MLIP: variants seen among roughly 807,000 people sequenced by gnomAD.
MLIP encodes the protein muscular LMNA-interacting protein.
A neutral mutation model predicts 84.8 loss-of-function variants in MLIP; 79 were observed. That is an observed-to-expected ratio of 0.93 (90% confidence interval 0.78 to 1.12). The LOEUF is 1.12. Ranked by LOEUF, MLIP falls within the 50% of genes most tolerant of loss-of-function variation. The pLI is 0.00. For missense variants in MLIP, 1,257 were observed against 1,160.6 expected, an observed-to-expected ratio of 1.08 and a Z score of -1.21; for synonymous variants, 504 against 463.0, an observed-to-expected ratio of 1.09 and a Z score of -1.14.
intron 13 of MLIP, among the ~76,000 whole-genome samples, chr6:54,260,290 T>A (rs1029034959): frequency 4.0e-5 from 6 of 151,572 alleles, no homozygotes; most frequent in Non-Finnish European, 8.8e-5. Context: ...AAAAAAAAAA[T>A]TCCACTTAAC....
At chr6:54,154,975 TG>T (rs901431805) in intron 5 of MLIP, among the ~76,000 whole-genome samples, 1 of 152,090 alleles carries the variant, frequency 6.6e-6, no homozygotes, top group Non-Finnish European at 1.5e-5. Context: ...TGAGCTTTGC[TG>T]GAATGGGTTT....
In MLIP at chr6:54,145,786, C is replaced by T. The variant is rs556989808; in HGVS notation, c.2218-3270C>T. Among the ~76,000 whole-genome samples the T allele has an allele frequency of 2.0e-3, 299 of 147,932 alleles. 1 individual carries two copies. Among genetic ancestry groups the T allele is most frequent in the African/African-American group, 7.2e-3 (279 of 38,582 alleles). ...GAAAGACTCTGTCCCCCACCACCCCCTCCCCCACAAAAAAAAAAAGAAAAA... is the reference window on the plus strand; with the variant it reads ...GAAAGACTCTGTCCCCCACCACCCCTTCCCCCACAAAAAAAAAAAGAAAAA... On this transcript the variant is annotated intron_variant, in intron 4 of 13. Transcript: ENST00000502396.
intron 11 of MLIP, among the ~76,000 whole-genome samples, chr6:54,227,643 G>C (rs1294412435): frequency 6.6e-6 from 1 of 152,096 alleles, no homozygotes; most frequent in Non-Finnish European, 1.5e-5. Context: ...AAATGGCTGG[G>C]CTTCTAAACC....
At chr6:54,218,602 C>T (rs552415489) in intron 11 of MLIP, among the ~76,000 whole-genome samples, 1 of 152,158 alleles carries the variant, frequency 6.6e-6, no homozygotes, top group African/African-American at 2.4e-5. Context: ...TCACTGCAGC[C>T]TTCATCTTCT....
In MLIP at chr6:54,137,277, A is replaced by G. The variant is rs1167547879; in HGVS notation, c.1208A>G (p.Lys403Arg). Residue 403 changes from lysine to arginine, a missense_variant, in exon 4 of 14, where the codon AAG (lysine) becomes AGG (arginine). Lys to Arg is a conservative substitution (Grantham distance 26). Transcript: ENST00000502396. ...SQMSSSGNLS[K>R]SGVKSPVPSR... ...ATGTCATCTAGTGGAAATCTTTCAAAGTCAGGGGTAAAATCCCCGGTGCCT... is the reference window on the plus strand; with the variant it reads ...ATGTCATCTAGTGGAAATCTTTCAAGGTCAGGGGTAAAATCCCCGGTGCCT... The G allele has an allele frequency of 1.2e-5, 19 of 1,535,986 alleles. No individual in the cohort carries two copies. The highest frequency in any genetic ancestry group is 1.7e-5 in the Non-Finnish European group (19 of 1,146,892).
intron 4 of MLIP, among the ~76,000 whole-genome samples, chr6:54,138,664 AC>A (rs1350703019): frequency 4.6e-5 from 7 of 152,264 alleles, no homozygotes; most frequent in Admixed American, 4.6e-4. Flanking sequence ...ATTAACAGGG[AC>A]CCTAGCATCC....
chr6:54,242,006 A>T (rs1244080738), intron 12 of MLIP, among the ~76,000 whole-genome samples: 4 of 152,226 alleles, frequency 2.6e-5, no homozygotes, highest in Admixed American at 6.5e-5. Flanking sequence ...CATATAGGAA[A>T]TAGGAGAAAT....
intron 12 of MLIP, among the ~76,000 whole-genome samples, chr6:54,241,942 A>G (rs1781765103): frequency 6.6e-6 from 1 of 152,222 alleles, no homozygotes; most frequent in East Asian, 1.9e-4. Flanking sequence ...AGAATCATCT[A>G]TTAGAATAGT....
chr6:54,075,804 C>T (rs1414111607), intron 1 of MLIP, among the ~76,000 whole-genome samples: 1 of 152,112 alleles, frequency 6.6e-6, no homozygotes, highest in African/African-American at 2.4e-5. Flanking sequence ...TGATTAGGTT[C>T]CCAGCACCAA....
At chr6:54,064,035 CTTAT>C (rs1766132753) in intron 1 of MLIP, among the ~76,000 whole-genome samples, 1 of 99,236 alleles carries the variant, frequency 1.0e-5, no homozygotes, top group Non-Finnish European at 2.9e-5. Flanking sequence ...ATTGATGATC[CTTAT>C]TTTCTAACTA....
intron 2 of MLIP, among the ~76,000 whole-genome samples, chr6:54,122,748 T>A (rs1770562296): frequency 6.6e-6 from 1 of 152,120 alleles, no homozygotes; most frequent in African/African-American, 2.4e-5. Flanking sequence ...AATTAGGCCT[T>A]ATGAGTGGTG....
chr6:54,194,854 G>GT (rs1465530478), intron 10 of MLIP, among the ~76,000 whole-genome samples: 13 of 150,970 alleles, frequency 8.6e-5, no homozygotes, highest in African/African-American at 3.2e-4. Flanking sequence ...AATCTCTTTT[G>GT]TTTTTTCCAA....
chr6:54,250,875 C>T (rs946465962), intron 12 of MLIP, among the ~76,000 whole-genome samples: 2 of 152,024 alleles, frequency 1.3e-5, no homozygotes, highest in African/African-American at 2.4e-5. Context: ...AGGTTAGATT[C>T]ATCTATTATG....
At chr6:54,044,405 G>A (rs556400972) in intron 1 of MLIP, among the ~76,000 whole-genome samples, 42 of 152,280 alleles carry the variant, frequency 2.8e-4, no homozygotes, top group South Asian at 6.2e-4. Flanking sequence ...GTATAAATCC[G>A]ATTGCTGTGG....
At chr6:54,252,090 T>C (rs1275268214) in intron 12 of MLIP, among the ~76,000 whole-genome samples, 25 of 76,602 alleles carry the variant, frequency 3.3e-4, no homozygotes, top group African/African-American at 1.6e-3. Flanking sequence ...ATAATATAAA[T>C]ATATATTATA....
chr6:54,132,793 C>T (rs1012461616), intron 3 of MLIP, among the ~76,000 whole-genome samples: 11 of 152,196 alleles, frequency 7.2e-5, no homozygotes, highest in African/African-American at 2.7e-4. Context: ...ATTGAGAAAA[C>T]CTCCCCTTCT....
At position 54,169,573 on chromosome 6, in the gene MLIP, G is replaced by T; in HGVS notation, c.2544+1G>T. On this transcript the variant is annotated splice_donor_variant, in intron 9 of 13. Coordinates refer to ENST00000502396, the MANE Select transcript of MLIP (RefSeq NM_001281747.2). LOFTEE classifies it high-confidence loss of function. ...AGCAGCTGGTCGAGAAACCAAATAT[G>T]TAAGTACCTTTATAATTATACACAC... is the stretch of plus-strand genomic sequence containing the variant. 6.3e-7 allele frequency: 1 copy of T among 1,584,952 alleles called. No individual in the cohort carries two copies. The highest frequency in any genetic ancestry group is 8.6e-7 in the Non-Finnish European group (1 of 1,164,092).
rs1773159068 is a variant in MLIP, at chr6:54,149,001, G to A, written c.2218-55G>A. On this transcript the variant is annotated intron_variant, in intron 4 of 13. Transcript: ENST00000502396. ...CTTGGTAGAACTGTCTGAAAATTAT[G>A]TCATATTCTTTCCCATTTTCATCTC... 5 of 1,419,160 alleles carry A rather than the reference G, an allele frequency of 3.5e-6. No individual in the cohort carries two copies. In the East Asian group the frequency reaches 6.9e-5, roughly 20 times the overall value. 87.9% of individuals were successfully genotyped at this position (1,419,160 alleles called of 1,614,324 possible). A position where few individuals can be genotyped will look rare whatever the true frequency, so the allele number is the denominator to read the frequency against.
chr6:54,149,076 C>A lies in MLIP; in HGVS notation c.2238C>A (p.Ser746Arg). 1 of 1,612,970 alleles carries A rather than the reference C, an allele frequency of 6.2e-7. No individual in the cohort carries two copies. Among genetic ancestry groups the A allele is most frequent in the Non-Finnish European group, 8.5e-7 (1 of 1,179,248 alleles). The change falls in exon 5 of 14, where the codon AGC (serine) becomes AGA (arginine). Residue 746 changes from serine (S) to arginine (R), a missense_variant. Physicochemically the swap from Ser to Arg is moderately radical, Grantham distance 110 (BLOSUM62 -1). Coordinates refer to ENST00000502396, the MANE Select transcript of MLIP (RefSeq NM_001281747.2). ...TCTAGCAATACAAGACCAAGTCAAGCTACAAGGCTTTTGCAGCAATCCCTA... is the reference window on the plus strand; with the variant it reads ...TCTAGCAATACAAGACCAAGTCAAGATACAAGGCTTTTGCAGCAATCCCTA... ...KKSKQYKTKSSYKAFAAIPTN... is the reference protein window; with the variant it reads ...KKSKQYKTKSRYKAFAAIPTN...
Sources: gnomAD v4.1 joint callset for allele counts (sites outside exome capture counted in the v4.1 genomes callset) on GRCh38, gnomAD v4.1.1 for gene constraint, MANE v1.5 for transcripts, NCBI Gene and HGNC (gene_info 2026-07-23, HGNC 2026-07-21) for gene names.